PGGT1B: variants seen among roughly 807,000 people sequenced by gnomAD.
PGGT1B encodes geranylgeranyl transferase type-1 subunit beta.
In PGGT1B, 30 loss-of-function variants were observed where a neutral mutation model predicts 46.1. The ratio of observed to expected loss-of-function variants is 0.65; its 90% CI spans 0.49 to 0.88. PGGT1B has a LOEUF of 0.88. Ranked by LOEUF, PGGT1B falls within the 40% of genes least tolerant of loss-of-function variation. PGGT1B has a pLI of 0.00. For missense variants in PGGT1B, 376 were observed against 455.9 expected (o/e 0.82, Z 1.60); for synonymous variants, 170 against 160.0 (o/e 1.06, Z -0.47).
chr5:115,239,978 T>A (rs893077039), intron 3 of PGGT1B, among the ~76,000 whole-genome samples: 2 of 152,196 alleles, frequency 1.3e-5, no homozygotes, highest in African/African-American at 4.8e-5. Flanking sequence ...AGTGACAATA[T>A]TTTATTCATA....
intron 4 of PGGT1B, among the ~76,000 whole-genome samples, chr5:115,237,585 A>G (rs1245491909): frequency 6.6e-6 from 1 of 152,216 alleles, no homozygotes; most frequent in Non-Finnish European, 1.5e-5. Flanking sequence ...ATTAGATTCC[A>G]ATCCTGAAAT....
intron 6 of PGGT1B, among the ~76,000 whole-genome samples, chr5:115,223,479 T>G (rs1756652452): frequency 6.6e-6 from 1 of 151,914 alleles, no homozygotes; most frequent in African/African-American, 2.4e-5. Flanking sequence ...GAGATTTGAG[T>G]GTTGTAGCCA....
At chr5:115,225,728 C>T (rs936642105) in intron 6 of PGGT1B, among the ~76,000 whole-genome samples, 3 of 150,766 alleles carry the variant, frequency 2.0e-5, no homozygotes, top group African/African-American at 7.3e-5. Flanking sequence ...TCACTGCAAC[C>T]TCCGCCTCCT....
At chr5:115,259,466 G>A (rs942265349) in intron 1 of PGGT1B, among the ~76,000 whole-genome samples, 1 of 152,056 alleles carries the variant, frequency 6.6e-6, no homozygotes, top group African/African-American at 2.4e-5. Flanking sequence ...GAGGCGGGCG[G>A]ATCACAAGGC....
intron 1 of PGGT1B, among the ~76,000 whole-genome samples, chr5:115,257,395 T>C (rs1472092560): frequency 1.3e-5 from 2 of 151,946 alleles, no homozygotes; most frequent in African/African-American, 4.8e-5. Context: ...GCACCTGTAA[T>C]CCCAGCTACT....
At position 115,238,118 on chromosome 5, in the gene PGGT1B, T is replaced by C. The variant is rs979245951; in HGVS notation, c.328-109A>G. 7 of 690,672 alleles carry C rather than the reference T, an allele frequency of 1.0e-5. No homozygotes were observed. The East Asian group carries it at 2.0e-4, about 19-fold the overall frequency. 42.8% of individuals were successfully genotyped at this position (690,672 alleles called of 1,614,324 possible). A position where few individuals can be genotyped will look rare whatever the true frequency, so the allele number is the denominator to read the frequency against. On this transcript the variant is annotated intron_variant, in intron 3 of 8. Transcript: ENST00000419445. ...AAATAGTAAAATTAAATATGGCTTA[T>C]ACTGATTTGTATAGACATCTTATTG...
At chr5:115,225,978 T>G (rs1334611795) in intron 6 of PGGT1B, among the ~76,000 whole-genome samples, 1 of 151,640 alleles carries the variant, frequency 6.6e-6, no homozygotes, top group Non-Finnish European at 1.5e-5. Flanking sequence ...AGTTGATTAT[T>G]TAGATTTAAT....
chr5:115,253,123 A>G lies in PGGT1B; in HGVS notation c.259+14T>C. On this transcript the variant is annotated intron_variant, in intron 2 of 8. Coordinates refer to ENST00000419445, the MANE Select transcript of PGGT1B (RefSeq NM_005023.4). ...CCAGTCACACTAAAAATAAAATGCT[A>G]AAAACTCACTCACTGTCTTCTGTGG... The G allele has an allele frequency of 6.3e-7, 1 of 1,597,948 alleles. No individual in the cohort carries two copies. Among genetic ancestry groups the G allele is most frequent in the East Asian group, 2.3e-5 (1 of 44,242 alleles).
intron 1 of PGGT1B, among the ~76,000 whole-genome samples, chr5:115,254,391 T>A (rs1359124059): frequency 1.3e-5 from 2 of 152,078 alleles, no homozygotes; most frequent in Non-Finnish European, 2.9e-5. Context: ...TTCATATACA[T>A]CTTACACACG....
rs755899599 is a variant in PGGT1B at position 115,212,406 on chromosome 5, G to A, written c.1130C>T (p.Thr377Ile). 5 of 1,523,580 alleles carry A rather than the reference G, an allele frequency of 3.3e-6. No homozygotes were observed. The East Asian group carries it at 9.4e-5, about 29-fold the overall frequency. The allele number at this position is 1,523,580 out of a possible 1,614,324, so 94.4% of individuals were successfully genotyped here. ...KQCSENVHIS[T>I] The stretch of plus-strand genomic sequence containing the variant: ...ACCCTCCCAATCTAAAATCAGTCAT[G>A]TGGAGATATGTACATTCTCTGAGCA... The change falls in exon 9 of 9, where the codon ACA becomes ATA. Residue 377 changes from threonine (T) to isoleucine (I), a missense_variant. Coordinates refer to ENST00000419445, the MANE Select transcript of PGGT1B (RefSeq NM_005023.4).
chr5:115,219,465 C>T (rs1268802437), intron 7 of PGGT1B, among the ~76,000 whole-genome samples: 1 of 151,522 alleles, frequency 6.6e-6, no homozygotes, highest in African/African-American at 2.4e-5. Context: ...GATGAAAGGC[C>T]CAACATTAAG....
intron 2 of PGGT1B, among the ~76,000 whole-genome samples, chr5:115,245,814 A>G (rs62383167): frequency 0.16 from 23,618 of 152,148 alleles, 2,621 homozygotes; most frequent in African/African-American, 0.32. Flanking sequence ...AAGACAATGT[A>G]GTATTTTTTG....
intron 2 of PGGT1B, among the ~76,000 whole-genome samples, chr5:115,244,455 ACT>A (rs367843511): frequency 0.011 from 875 of 81,192 alleles, 19 homozygotes; most frequent in African/African-American, 0.046. Context: ...ACAGAGCGAG[ACT>A]CTGTCTCACA....
chr5:115,228,079 G>A (rs1054237544), intron 6 of PGGT1B, among the ~76,000 whole-genome samples: 2 of 152,296 alleles, frequency 1.3e-5, no homozygotes, highest in South Asian at 4.1e-4. Flanking sequence ...CGTTATTTCT[G>A]AATAGCATCA....
intron 8 of PGGT1B, among the ~76,000 whole-genome samples, chr5:115,214,257 C>A (rs1044247883): frequency 5.3e-5 from 8 of 151,980 alleles, no homozygotes; most frequent in African/African-American, 1.9e-4. Context: ...TTTGTAACAG[C>A]CAATGAGATC....
chr5:115,237,815 A>G lies in PGGT1B; in HGVS notation c.479+43T>C, dbSNP rs747353381. Reference sequence around the variant, plus strand: ...TGTATCCATTTTTTAGTTCCAATATATTTTTGTTTATTACAAAAAAAGTAA... The same window carrying G: ...TGTATCCATTTTTTAGTTCCAATATGTTTTTGTTTATTACAAAAAAAGTAA... On this transcript the variant is annotated intron_variant, in intron 4 of 8. Coordinates refer to ENST00000419445, the MANE Select transcript of PGGT1B (RefSeq NM_005023.4). 4.5e-6 allele frequency: 7 copies of G among 1,551,990 alleles called. No individual in the cohort carries two copies. In the African/African-American group the frequency reaches 9.6e-5, roughly 21 times the overall value.
chr5:115,262,019 G>A (rs867651348), intron 1 of PGGT1B, among the ~76,000 whole-genome samples: 21 of 152,314 alleles, frequency 1.4e-4, no homozygotes, highest in Middle Eastern at 6.8e-3. Flanking sequence ...AAAACAAGCC[G>A]CTCTTTCCTC....
At chr5:115,237,732 C>T (rs1476612897) in intron 4 of PGGT1B, 126 bp downstream of exon 4, 5 of 676,788 alleles carry the variant, frequency 7.4e-6, no homozygotes, top group East Asian at 6.0e-5. Context: ...TTATGTACCT[C>T]GTAAGCTTTA....
At chr5:115,241,454 T>C in intron 3 of PGGT1B, 85 bp downstream of exon 3, 1 of 733,716 alleles carries the variant, frequency 1.4e-6, no homozygotes, top group Non-Finnish European at 2.1e-6. Context: ...GAAGCCTGTT[T>C]TTTTCTGTGT....
Sources: gnomAD v4.1 joint callset for allele counts (sites outside exome capture counted in the v4.1 genomes callset) on GRCh38, gnomAD v4.1.1 for gene constraint, MANE v1.5 for transcripts, NCBI Gene and HGNC (gene_info 2026-07-23, HGNC 2026-07-21) for gene names.